MYLK: variants seen among roughly 807,000 people sequenced by gnomAD.
MYLK encodes the protein myosin light chain kinase, smooth muscle.
A neutral mutation model predicts 203.4 loss-of-function variants in MYLK; 106 were observed. The observed-to-expected ratio is 0.52, with a 90% confidence interval of 0.45 to 0.61. The LOEUF (loss-of-function observed/expected upper bound fraction) is 0.61. MYLK is among the 20% of genes least tolerant of loss of function. The probability of loss-of-function intolerance (pLI) is 0.00; values close to 1 mark genes in which losing one functional copy is unlikely to be tolerated. For synonymous variants in MYLK, 867 were observed against 959.5 expected, an observed-to-expected ratio of 0.90 and a Z score of 1.78; for missense variants, 2,072 against 2,442.3, an observed-to-expected ratio of 0.85 and a Z score of 3.20.
intron 4 of MYLK, 58 bp downstream of exon 4, chr3:123,793,619 G>A: frequency 1.9e-6 from 3 of 1,595,314 alleles, no homozygotes; most frequent in Middle Eastern, 1.9e-4. Context: ...GCTTGACAAG[G>A]AGCAGCGGCC....
intron 29 of MYLK, among the ~76,000 whole-genome samples, chr3:123,636,042 T>C (rs2058630286): frequency 6.6e-6 from 1 of 151,978 alleles, no homozygotes; most frequent in African/African-American, 2.4e-5. Context: ...CCTCTGGGGG[T>C]TGGTAACAGG....
At chr3:123,870,536 C>T (rs2032707351) in intron 2 of MYLK, among the ~76,000 whole-genome samples, 1 of 152,226 alleles carries the variant, frequency 6.6e-6, no homozygotes, top group African/African-American at 2.4e-5. Flanking sequence ...AAGACAGGGC[C>T]AGCACAGACC....
rs2058858851 is a variant in MYLK, at chr3:123,642,117, G to T, written c.4620-1613C>A. On this transcript the variant is annotated intron_variant, in intron 27 of 33. Transcript: ENST00000360304. This position sits in a 1 kb window ranked among gnomAD's most constrained non-coding sequence, Gnocchi z 4.2. ...CCTGTAGGTCCACCAGTTGAACAAG[G>T]CCGGGTGGGTTCTGGGCCTGTCCTC... Among the ~76,000 whole-genome samples the T allele has an allele frequency of 6.6e-6, 1 of 152,118 alleles. No individual in the cohort carries two copies. The highest frequency in any genetic ancestry group is 2.4e-5 in the African/African-American group (1 of 41,418).
chr3:123,869,313 A>G (rs2148706462), intron 2 of MYLK, among the ~76,000 whole-genome samples: 1 of 152,260 alleles, frequency 6.6e-6, no homozygotes, highest in Non-Finnish European at 1.5e-5. Flanking sequence ...GAGGGTTATT[A>G]TTATCAACAG....
chr3:123,701,954 A>C (rs1368446773), intron 16 of MYLK, among the ~76,000 whole-genome samples: 1 of 152,154 alleles, frequency 6.6e-6, no homozygotes, highest in Non-Finnish European at 1.5e-5. Context: ...CTTAACACAG[A>C]AGTAGTTCCT....
chr3:123,661,439 A>G (rs2059558996), intron 23 of MYLK, among the ~76,000 whole-genome samples: 1 of 152,194 alleles, frequency 6.6e-6, no homozygotes, highest in South Asian at 2.1e-4. Context: ...AAGCCTCCAC[A>G]GGTTCCTGAC....
In MYLK at chr3:123,685,069, A is replaced by T. The variant is rs572430483; in HGVS notation, c.3566-2759T>A. Among the ~76,000 whole-genome samples, 3 of 152,352 alleles carry T rather than the reference A, an allele frequency of 2.0e-5. No homozygotes were observed. In the South Asian group the frequency reaches 6.2e-4, roughly 32 times the overall value. ...AGGTACTGAGACTCCTTTCGTCCTC[A>T]TGGGGTTGTGTTGGGCTTTACTTCC... On this transcript the variant is annotated intron_variant, in intron 19 of 33. Transcript: ENST00000360304.
chr3:123,626,564 C>T (rs1339653794), intron 31 of MYLK, among the ~76,000 whole-genome samples: 1 of 152,150 alleles, frequency 6.6e-6, no homozygotes, highest in East Asian at 1.9e-4. Flanking sequence ...TTTACGGTCC[C>T]CTGGGGCAAA....
In MYLK at chr3:123,620,109, TAAAAA is replaced by T. The variant is rs397962965; in HGVS notation, c.5368+93_5368+97del. The T allele has an allele frequency of 1.9e-4, 165 of 876,884 alleles. 2 individuals are homozygous for T. In the South Asian group the frequency reaches 2.6e-3, roughly 14 times the overall value. 54.3% of individuals were successfully genotyped at this position (876,884 alleles called of 1,614,324 possible). On this transcript the variant is annotated intron_variant, in intron 32 of 33. Transcript: ENST00000360304. ...TTTATCCTTGCAGGGAATATTAAAATAAAAAAAAAAAGAACAAAACCAACCAAAAC... is the reference window on the plus strand; with the variant it reads ...TTTATCCTTGCAGGGAATATTAAAATAAAAAAGAACAAAACCAACCAAAAC...
Position 123,708,018 on chromosome 3 carries a change from A to T in MYLK, c.2141-15T>A, listed in dbSNP as rs2061529396. The T allele has an allele frequency of 6.2e-7, 1 of 1,613,890 alleles. No individual in the cohort carries two copies. On this transcript the variant is annotated splice_polypyrimidine_tract_variant and intron_variant, in intron 15 of 33. Coordinates refer to ENST00000360304, the MANE Select transcript of MYLK (RefSeq NM_053025.4). The stretch of plus-strand genomic sequence containing the variant: ...ATCGTGAGGCTCTGGAAATTGGCAA[A>T]GGGCAGAGCTAAACAGGGATGTCCC...
At chr3:123,842,717 G>C (rs1320599267) in intron 2 of MYLK, among the ~76,000 whole-genome samples, 1 of 152,042 alleles carries the variant, frequency 6.6e-6, no homozygotes, top group Non-Finnish European at 1.5e-5. Context: ...CTTCTCTTTT[G>C]ACATTGTTCA....
At chr3:123,688,487 AC>A (rs375319222) in intron 19 of MYLK, among the ~76,000 whole-genome samples, 2 of 151,808 alleles carry the variant, frequency 1.3e-5, no homozygotes, top group Admixed American at 1.3e-4. Flanking sequence ...TATTGTGGCA[AC>A]CCCCCATTGT....
At chr3:123,787,502 G>A (rs749509998) in intron 4 of MYLK, among the ~76,000 whole-genome samples, 14 of 152,170 alleles carry the variant, frequency 9.2e-5, no homozygotes, top group Non-Finnish European at 1.8e-4. Context: ...ACCAAACACT[G>A]CTTGAGCATT....
intron 16 of MYLK, among the ~76,000 whole-genome samples, chr3:123,705,828 G>C (rs577961938): frequency 6.6e-6 from 1 of 152,020 alleles, no homozygotes; most frequent in African/African-American, 2.4e-5. Flanking sequence ...CCCCAAACAA[G>C]CTCATCTCCT....
At chr3:123,883,085 C>A (rs1000001994) in intron 1 of MYLK, among the ~76,000 whole-genome samples, 1 of 152,144 alleles carries the variant, frequency 6.6e-6, no homozygotes, top group Admixed American at 6.5e-5. Flanking sequence ...CCTAAGCCCA[C>A]CATCTGGAAA....
intron 3 of MYLK, among the ~76,000 whole-genome samples, chr3:123,823,337 C>T (rs1410609766): frequency 6.6e-6 from 1 of 152,186 alleles, no homozygotes; most frequent in African/African-American, 2.4e-5. Flanking sequence ...TCACTGTCTA[C>T]TCCAGATCTC....
At chr3:123,745,708 C>A (rs1033616241) in intron 5 of MYLK, among the ~76,000 whole-genome samples, 2 of 152,138 alleles carry the variant, frequency 1.3e-5, no homozygotes, top group African/African-American at 2.4e-5. Flanking sequence ...ACAGGCCAGA[C>A]CTATCATGGC....
At chr3:123,675,228 G>A (rs1019542672) in intron 20 of MYLK, among the ~76,000 whole-genome samples, 8 of 152,376 alleles carry the variant, frequency 5.3e-5, no homozygotes, top group Non-Finnish European at 1.0e-4. Context: ...ATTGATATTA[G>A]AGGAAGTGAA....
rs776511112 is a variant in MYLK, at chr3:123,700,654, C to T, written c.2814G>A (p.Val938=). 6.2e-7 allele frequency: 1 copy of T among 1,614,154 alleles called. No homozygotes were observed. Among genetic ancestry groups the T allele is most frequent in the South Asian group, 1.1e-5 (1 of 91,088 alleles). Residue 938 remains valine (V), a synonymous_variant, in exon 18 of 34, where the codon GTG becomes GTA. Coordinates refer to ENST00000360304, the MANE Select transcript of MYLK (RefSeq NM_053025.4). ...NLQRQVKPKT[V]SEEERKVHSP... ...TGTGCACCTTCCTCTCTTCCTCAGACACAGTCTTTGGCTTCACTTGCCGCT... is the reference window on the plus strand; with the variant it reads ...TGTGCACCTTCCTCTCTTCCTCAGATACAGTCTTTGGCTTCACTTGCCGCT...
Sources: allele counts gnomAD v4.1 joint callset (sites outside exome capture counted in the v4.1 genomes callset), GRCh38; gene constraint gnomAD v4.1.1; non-coding constraint Gnocchi (gnomAD v3.1); transcripts MANE v1.5; gene names NCBI Gene and HGNC (gene_info 2026-07-23, HGNC 2026-07-21).